The following XXYLT1 variants were observed in gnomAD, a reference collection of about 807,000 sequenced individuals.
The protein encoded by XXYLT1 is xyloside xylosyltransferase 1.
Under a neutral mutation model 28.9 loss-of-function variants are expected in XXYLT1, and 20 were observed. The observed-to-expected ratio is 0.69, with a 90% CI of 0.49 to 1.00. The LOEUF (loss-of-function observed/expected upper bound fraction) is 1.00, where lower values mean the gene tolerates loss of function less well. XXYLT1 is among the 50% of genes least tolerant of loss of function. The pLI, the probability that XXYLT1 is intolerant of heterozygous loss-of-function variation, is 0.00. For synonymous variants in XXYLT1, 257 were observed against 253.8 expected, an observed-to-expected ratio of 1.01 and a Z score of -0.12; for missense variants, 542 against 560.1, an observed-to-expected ratio of 0.97 and a Z score of 0.33.
rs980785411 is a variant in XXYLT1, at chr3:195,257,456, A to G, written c.504+13099T>C. ...GTCCCCACATAACTGGCACCGTCCG[A>G]GCTTCATCATGAAAGGCGAGTTAAT... On this transcript the variant is annotated intron_variant, in intron 1 of 3. Transcript: ENST00000310380. This position sits in a 1 kb window ranked among gnomAD's most constrained non-coding sequence, Gnocchi z 4.3. 6.6e-6 allele frequency among the ~76,000 whole-genome samples: 1 copy of G among 152,184 alleles called. No individual in the cohort carries two copies. Among genetic ancestry groups the G allele is most frequent in the African/African-American group, 2.4e-5 (1 of 41,440 alleles).
intron 3 of XXYLT1, among the ~76,000 whole-genome samples, chr3:195,130,436 T>C (rs941805373): frequency 6.6e-6 from 1 of 152,244 alleles, no homozygotes; most frequent in Non-Finnish European, 1.5e-5. Context: ...AAGGACTTTA[T>C]AACCTTTAGC....
chr3:195,258,967 G>T (rs968681828), intron 1 of XXYLT1, among the ~76,000 whole-genome samples: 53 of 152,354 alleles, frequency 3.5e-4, no homozygotes, highest in African/African-American at 1.2e-3. Flanking sequence ...GAATAAACAG[G>T]TATGCGCTTT....
chr3:195,211,338 A>G (rs909378178), intron 2 of XXYLT1, among the ~76,000 whole-genome samples: 1 of 152,210 alleles, frequency 6.6e-6, no homozygotes, highest in South Asian at 2.1e-4. Flanking sequence ...GATTGCAGTG[A>G]GCCAAGATCG....
intron 2 of XXYLT1, among the ~76,000 whole-genome samples, chr3:195,224,722 CT>C (rs1723975287): frequency 6.6e-6 from 1 of 152,164 alleles, no homozygotes; most frequent in African/African-American, 2.4e-5. Flanking sequence ...GTGCCTCCCC[CT>C]GGCTCCCTAG....
chr3:195,221,677 G>A (rs1039588140), intron 2 of XXYLT1, among the ~76,000 whole-genome samples: 1 of 152,204 alleles, frequency 6.6e-6, no homozygotes, highest in African/African-American at 2.4e-5. Flanking sequence ...TGTGACCCAG[G>A]AGGGGGAAGC....
chr3:195,186,493 A>G (rs1722201279), intron 2 of XXYLT1, among the ~76,000 whole-genome samples: 1 of 151,964 alleles, frequency 6.6e-6, no homozygotes, highest in South Asian at 2.1e-4. Flanking sequence ...TTCCACCCAC[A>G]AAGCTTTTCC....
chr3:195,134,831 G>A (rs1719089913), intron 3 of XXYLT1, among the ~76,000 whole-genome samples: 1 of 42,018 alleles, frequency 2.4e-5, no homozygotes, highest in Admixed American at 2.8e-4. Flanking sequence ...AGAGGGGTGT[G>A]TGTGTGTGTG....
chr3:195,203,558 C>T (rs1002064718), intron 2 of XXYLT1, among the ~76,000 whole-genome samples: 12 of 152,292 alleles, frequency 7.9e-5, no homozygotes, highest in South Asian at 2.1e-4. Flanking sequence ...GTGAATCGAA[C>T]ATTAACATCT....
At chr3:195,193,961 T>C (rs894429562) in intron 2 of XXYLT1, among the ~76,000 whole-genome samples, 7 of 151,996 alleles carry the variant, frequency 4.6e-5, no homozygotes, top group Non-Finnish European at 2.9e-5. Flanking sequence ...AGAAAACAAA[T>C]GTTGCAGGAG....
Position 195,168,621 on chromosome 3 carries a change from G to C in XXYLT1, c.653-12040C>G, listed in dbSNP as rs143586696. 6.6e-5 allele frequency among the ~76,000 whole-genome samples: 10 copies of C among 152,288 alleles called. No homozygotes were observed. In the East Asian group the frequency reaches 1.9e-3, roughly 29 times the overall value. On this transcript the variant is annotated intron_variant, in intron 2 of 3. Coordinates refer to ENST00000310380, the MANE Select transcript of XXYLT1 (RefSeq NM_152531.5). This position sits in a 1 kb window ranked among gnomAD's most constrained non-coding sequence, Gnocchi z 4.3. Reference sequence around the variant, plus strand: ...GCCTATGAAGGAGAACCAGAGACTGGGAGGTGCTGGGACCTGCCTTACTAC... The same window carrying C: ...GCCTATGAAGGAGAACCAGAGACTGCGAGGTGCTGGGACCTGCCTTACTAC...
At chr3:195,141,512 C>T (rs753730610) in intron 3 of XXYLT1, among the ~76,000 whole-genome samples, 48 of 152,180 alleles carry the variant, frequency 3.2e-4, no homozygotes, top group Non-Finnish European at 6.3e-4. Context: ...TACGTATAAA[C>T]TCAAGGCTTT....
At chr3:195,100,467 T>C (rs930793618) in intron 3 of XXYLT1, among the ~76,000 whole-genome samples, 4 of 152,204 alleles carry the variant, frequency 2.6e-5, no homozygotes, top group African/African-American at 9.7e-5. Context: ...TCTTCTGCCC[T>C]GGCATCAGGC....
intron 2 of XXYLT1, among the ~76,000 whole-genome samples, chr3:195,171,209 T>A (rs1457202228): frequency 3.9e-5 from 6 of 152,220 alleles, no homozygotes; most frequent in African/African-American, 1.2e-4. Context: ...TGGAAAGAGC[T>A]GGGCACCTGG....
At chr3:195,270,267 A>C in intron 1 of XXYLT1, 2 of 609,834 alleles carry the variant, frequency 3.3e-6, no homozygotes, top group Non-Finnish European at 5.4e-6. Flanking sequence ...AACGTTAGCA[A>C]AATGGGGGCG....
chr3:195,097,246 C>G (rs533175171), intron 3 of XXYLT1, among the ~76,000 whole-genome samples: 1 of 152,212 alleles, frequency 6.6e-6, no homozygotes, highest in African/African-American at 2.4e-5. Context: ...AGAATACATA[C>G]ACAGACAGAC....
At chr3:195,218,632 T>C (rs1278433345) in intron 2 of XXYLT1, among the ~76,000 whole-genome samples, 1 of 152,102 alleles carries the variant, frequency 6.6e-6, no homozygotes. Flanking sequence ...CTCACACCGG[T>C]TCGAATGGCA....
intron 3 of XXYLT1, among the ~76,000 whole-genome samples, chr3:195,139,712 C>A (rs890709502): frequency 4.6e-5 from 7 of 152,152 alleles, no homozygotes; most frequent in African/African-American, 1.7e-4. Flanking sequence ...ATGACTGAGG[C>A]CAAGCCCACA....
In XXYLT1 at chr3:195,207,457, G is replaced by A. The variant is rs183434899; in HGVS notation, c.652+19252C>T. The A allele has an allele frequency of 1.1e-3, 524 of 456,558 alleles. 5 individuals carry two copies. The highest frequency in any genetic ancestry group is 1.3e-4 in the Non-Finnish European group (30 of 226,898). 28.3% of individuals were successfully genotyped at this position (456,558 alleles called of 1,614,324 possible). A position where few individuals can be genotyped will look rare whatever the true frequency, so the allele number is the denominator to read the frequency against. ...AGTGGGACCGACAGACAGGCCTTCT[G>A]TTATGTGCAAGATGTTCTACCTTGT... On this transcript the variant is annotated intron_variant, in intron 2 of 3. Coordinates refer to ENST00000310380, the MANE Select transcript of XXYLT1 (RefSeq NM_152531.5).
intron 2 of XXYLT1, among the ~76,000 whole-genome samples, chr3:195,205,009 G>A (rs568032886): frequency 6.6e-6 from 1 of 152,334 alleles, no homozygotes; most frequent in Admixed American, 6.5e-5. Flanking sequence ...GAGGGAGAGA[G>A]GACCTCTGGT....
Sources: allele counts gnomAD v4.1 joint callset (sites outside exome capture counted in the v4.1 genomes callset), GRCh38; gene constraint gnomAD v4.1.1; non-coding constraint Gnocchi (gnomAD v3.1); transcripts MANE v1.5; gene names NCBI Gene and HGNC (gene_info 2026-07-23, HGNC 2026-07-21).